LAMC1: variants seen among roughly 807,000 people sequenced by gnomAD.
The protein encoded by LAMC1 is laminin subunit gamma 1, also known as laminin subunit gamma-1.
Under a neutral mutation model 173.6 loss-of-function variants are expected in LAMC1, and 38 were observed. The observed-to-expected ratio is 0.22, with a 90% CI of 0.17 to 0.29. The LOEUF (loss-of-function observed/expected upper bound fraction) is 0.29, where lower values mean the gene tolerates loss of function less well. LAMC1 is among the 10% of genes least tolerant of loss of function. The pLI is 1.00. For synonymous variants in LAMC1, 746 were observed against 749.1 expected (o/e 1.00, Z 0.07); for missense variants, 1,824 against 2,051.8 (o/e 0.89, Z 2.14).
At chr1:183,053,419 GTT>G (rs1553253646) in intron 1 of LAMC1, among the ~76,000 whole-genome samples, 1 of 146,900 alleles carries the variant, frequency 6.8e-6, no homozygotes, top group Admixed American at 6.7e-5. Context: ...TTTTGTGTGT[GTT>G]TTTTTTTTTC....
intron 11 of LAMC1, among the ~76,000 whole-genome samples, chr1:183,119,038 C>T (rs951774125): frequency 1.2e-4 from 18 of 151,704 alleles, no homozygotes; most frequent in South Asian, 4.2e-4. Flanking sequence ...CTGGGATTAC[C>T]GGCACGCCCC....
At chr1:183,128,981 G>A (rs974763287) in intron 18 of LAMC1, among the ~76,000 whole-genome samples, 5 of 151,386 alleles carry the variant, frequency 3.3e-5, no homozygotes, top group African/African-American at 1.2e-4. Context: ...AAAACTATTC[G>A]ATATTCAAAT....
At chr1:183,129,266 T>G (rs1656717014) in intron 18 of LAMC1, among the ~76,000 whole-genome samples, 1 of 151,980 alleles carries the variant, frequency 6.6e-6, no homozygotes, top group South Asian at 2.1e-4. Flanking sequence ...TTTTTTGTAT[T>G]TTGAGTAGAG....
intron 1 of LAMC1, among the ~76,000 whole-genome samples, chr1:183,026,068 G>T (rs1653678324): frequency 6.6e-6 from 1 of 152,170 alleles, no homozygotes; most frequent in Non-Finnish European, 1.5e-5. Context: ...AGAGATCTTA[G>T]AGTTTACCTC....
At chr1:183,065,253 A>G (rs1326796760) in intron 1 of LAMC1, among the ~76,000 whole-genome samples, 1 of 152,200 alleles carries the variant, frequency 6.6e-6, no homozygotes, top group East Asian at 1.9e-4. Flanking sequence ...ATTGTTATGC[A>G]GTGCATGACT....
intron 1 of LAMC1, among the ~76,000 whole-genome samples, chr1:183,080,634 T>A (rs930737360): frequency 6.6e-6 from 1 of 152,134 alleles, no homozygotes; most frequent in Non-Finnish European, 1.5e-5. Flanking sequence ...GATCAGAGGT[T>A]TTGTTTCTTC....
intron 1 of LAMC1, among the ~76,000 whole-genome samples, chr1:183,097,801 G>T (rs1655731802): frequency 6.6e-6 from 1 of 152,190 alleles, no homozygotes; most frequent in African/African-American, 2.4e-5. Flanking sequence ...GGAAGTATTG[G>T]TTAATTTTGT....
intron 4 of LAMC1, among the ~76,000 whole-genome samples, chr1:183,110,925 A>T (rs1656130559): frequency 6.6e-6 from 1 of 152,152 alleles, no homozygotes; most frequent in African/African-American, 2.4e-5. Flanking sequence ...TTGGATCCAA[A>T]TACTGGGCCA....
At chr1:183,034,109 T>G (rs977803815) in intron 1 of LAMC1, among the ~76,000 whole-genome samples, 1 of 152,194 alleles carries the variant, frequency 6.6e-6, no homozygotes, top group African/African-American at 2.4e-5. Flanking sequence ...AAAGGACTTA[T>G]GTAAATAAGA....
chr1:183,118,905 A>T (rs1558054130), intron 11 of LAMC1, among the ~76,000 whole-genome samples: 3 of 149,248 alleles, frequency 2.0e-5, no homozygotes, highest in South Asian at 2.1e-4. Flanking sequence ...AGACTTAAAA[A>T]TTTTTTTTTT....
intron 1 of LAMC1, among the ~76,000 whole-genome samples, chr1:183,070,148 A>T (rs758612565): frequency 2.0e-5 from 3 of 152,232 alleles, no homozygotes; most frequent in Non-Finnish European, 4.4e-5. Flanking sequence ...TCATTCTTCC[A>T]TAGCCCTTTT....
intron 1 of LAMC1, among the ~76,000 whole-genome samples, chr1:183,066,803 CA>C (rs1408248392): frequency 6.6e-5 from 10 of 152,004 alleles, no homozygotes; most frequent in South Asian, 2.1e-4. Context: ...TGGGGCCTTT[CA>C]GGGGGTTGGG....
intron 1 of LAMC1, among the ~76,000 whole-genome samples, chr1:183,030,583 C>T (rs1027425747): frequency 7.9e-5 from 12 of 152,068 alleles, no homozygotes; most frequent in Admixed American, 7.9e-4. Context: ...AGATATATGT[C>T]ACTGTAATAG....
intron 1 of LAMC1, among the ~76,000 whole-genome samples, chr1:183,092,006 G>A (rs950743649): frequency 4.6e-5 from 7 of 152,190 alleles, no homozygotes; most frequent in East Asian, 1.9e-4. Context: ...AATGCAAGTC[G>A]AATGATAGAG....
At chr1:183,123,349 A>G (rs1656531970) in intron 13 of LAMC1, among the ~76,000 whole-genome samples, 1 of 152,180 alleles carries the variant, frequency 6.6e-6, no homozygotes, top group South Asian at 2.1e-4. Context: ...CTGCTCCCCT[A>G]CAATGGCTCC....
At position 183,103,488 on chromosome 1, in the gene LAMC1, C is replaced by T. The variant is rs369796315; in HGVS notation, c.579C>T (p.Phe193=). 6.2e-7 allele frequency: 1 copy of T among 1,614,058 alleles called. No individual in the cohort carries two copies. Among genetic ancestry groups the T allele is most frequent in the Non-Finnish European group, 8.5e-7 (1 of 1,180,038 alleles). The change falls in exon 2 of 28, where the codon TTC becomes TTT. Residue 193 remains phenylalanine (F), a synonymous_variant. Coordinates refer to ENST00000258341, the MANE Select transcript of LAMC1 (RefSeq NM_002293.4). ...ENTYSKANRG[F]IRTGGDEQQA... ...CCTACTCCAAGGCAAACCGCGGCTT[C>T]ATCAGGACAGGAGGGGACGAGCAGC...
intron 19 of LAMC1, 148 bp from the exon 20 acceptor site, chr1:183,131,151 G>T (rs979965582): frequency 3.0e-5 from 18 of 593,094 alleles, no homozygotes; most frequent in Non-Finnish European, 4.9e-5. Flanking sequence ...TTCTGCCTGG[G>T]CAACAAGAGT....
At chr1:183,132,758 A>G (rs560231765) in intron 21 of LAMC1, among the ~76,000 whole-genome samples, 1 of 152,352 alleles carries the variant, frequency 6.6e-6, no homozygotes, top group Admixed American at 6.5e-5. Context: ...GAATAGTAAC[A>G]AGATGAGCCA....
chr1:183,100,610 C>T (rs769679825), intron 1 of LAMC1, among the ~76,000 whole-genome samples: 2 of 152,202 alleles, frequency 1.3e-5, no homozygotes, highest in South Asian at 2.1e-4. Flanking sequence ...GCCACTTCCT[C>T]TAGGAAGCAT....
Sources: allele counts gnomAD v4.1 joint callset (sites outside exome capture counted in the v4.1 genomes callset), GRCh38; gene constraint gnomAD v4.1.1; transcripts MANE v1.5; gene names NCBI Gene and HGNC (gene_info 2026-07-23, HGNC 2026-07-21).